Variants in PDE7B observed in about 807,000 individuals in gnomAD.
PDE7B encodes 3',5'-cyclic-AMP phosphodiesterase 7B.
A neutral mutation model predicts 56.2 loss-of-function variants in PDE7B; 29 were observed. That is an observed-to-expected ratio of 0.52 (90% CI 0.38 to 0.70). The LOEUF is 0.70. PDE7B is among the 30% of genes least tolerant of loss of function. The pLI is 0.00. For synonymous variants in PDE7B, 197 were observed against 196.9 expected (o/e 1.00, Z 0.00); for missense variants, 490 against 565.0 (o/e 0.87, Z 1.35).
chr6:136,064,077 CAT>C (rs1365811912), intron 2 of PDE7B, among the ~76,000 whole-genome samples: 19 of 152,046 alleles, frequency 1.2e-4, no homozygotes, highest in South Asian at 6.2e-4. Flanking sequence ...ATTTTATTAA[CAT>C]GTGATAAAAC....
intron 2 of PDE7B, among the ~76,000 whole-genome samples, chr6:136,016,008 A>G (rs1161726603): frequency 6.6e-6 from 1 of 152,208 alleles, no homozygotes; most frequent in East Asian, 1.9e-4. Context: ...TTAACTCTAT[A>G]AAAGAAAAAC....
At chr6:135,957,849 T>A (rs1774825677) in intron 2 of PDE7B, among the ~76,000 whole-genome samples, 1 of 152,252 alleles carries the variant, frequency 6.6e-6, no homozygotes, top group Non-Finnish European at 1.5e-5. Context: ...CCTCCCACTT[T>A]GTGAAGGAGA....
chr6:136,087,529 A>C (rs1777313123), intron 2 of PDE7B, among the ~76,000 whole-genome samples: 1 of 152,242 alleles, frequency 6.6e-6, no homozygotes, highest in East Asian at 1.9e-4. Context: ...AATTAAGTTA[A>C]TACCATAAAA....
chr6:136,168,403 G>C lies in PDE7B; in HGVS notation c.712-5394G>C, dbSNP rs114412142. Among the ~76,000 whole-genome samples the C allele has an allele frequency of 6.1e-3, 926 of 152,282 alleles. 8 individuals are homozygous for C. Among genetic ancestry groups the C allele is most frequent in the African/African-American group, 0.021 (890 of 41,550 alleles). ...GCAGGTGGATAGCATGATCATACCA[G>C]AGGCCAGCAAGCTCCTTGAGAGCAG... is the stretch of plus-strand genomic sequence containing the variant. On this transcript the variant is annotated intron_variant, in intron 8 of 12. Coordinates refer to ENST00000308191, the MANE Select transcript of PDE7B (RefSeq NM_018945.4).
chr6:136,183,066 C>A (rs1210955286), intron 11 of PDE7B, among the ~76,000 whole-genome samples: 4 of 131,532 alleles, frequency 3.0e-5, no homozygotes, highest in East Asian at 2.1e-4. Flanking sequence ...AGCAAGACTC[C>A]GTCTCCAAAA....
intron 1 of PDE7B, among the ~76,000 whole-genome samples, chr6:135,862,685 C>A (rs975293092): frequency 6.6e-6 from 1 of 151,524 alleles, no homozygotes. Flanking sequence ...AGTTTTAATT[C>A]CATTTATTTT....
At chr6:136,144,295 T>C (rs4896198) in intron 3 of PDE7B, among the ~76,000 whole-genome samples, 71,037 of 151,846 alleles carry the variant, frequency 0.47, 17,323 homozygotes, top group African/African-American at 0.62. Context: ...ACTCTTTCTC[T>C]ATATGCACCA....
At chr6:136,182,187 A>G (rs11154857) in intron 11 of PDE7B, among the ~76,000 whole-genome samples, 5,440 of 152,298 alleles carry the variant, frequency 0.036, 296 homozygotes, top group Admixed American at 0.13. Flanking sequence ...TGACATCGTG[A>G]TGGCCCCAAA....
chr6:135,887,751 G>T (rs1175124906), intron 1 of PDE7B, among the ~76,000 whole-genome samples: 1 of 152,076 alleles, frequency 6.6e-6, no homozygotes, highest in African/African-American at 2.4e-5. Flanking sequence ...TTACTTAGTT[G>T]GTCTAAATAA....
chr6:135,982,073 C>T (rs1002890603), intron 2 of PDE7B, among the ~76,000 whole-genome samples: 4 of 152,116 alleles, frequency 2.6e-5, no homozygotes, highest in Admixed American at 1.3e-4. Context: ...TTGACCCACA[C>T]GGTCTTACAC....
chr6:136,038,407 G>T (rs1446288317), intron 2 of PDE7B: 2 of 1,291,108 alleles, frequency 1.5e-6, no homozygotes, highest in East Asian at 5.5e-5. Context: ...AGGGGCCGCT[G>T]CCCTGGGACT....
chr6:135,865,682 CAG>C (rs1775244885), intron 1 of PDE7B, among the ~76,000 whole-genome samples: 1 of 143,058 alleles, frequency 7.0e-6, no homozygotes, highest in Non-Finnish European at 1.5e-5. Context: ...GAGACAGAGA[CAG>C]AGAAATTACT....
chr6:135,963,009 A>G (rs1774934068), intron 2 of PDE7B, among the ~76,000 whole-genome samples: 1 of 152,180 alleles, frequency 6.6e-6, no homozygotes, highest in African/African-American at 2.4e-5. Context: ...ACACACTAAG[A>G]GTCTGTTGCA....
intron 1 of PDE7B, among the ~76,000 whole-genome samples, chr6:135,928,631 G>A (rs1774243464): frequency 1.3e-5 from 2 of 149,048 alleles, no homozygotes; most frequent in Admixed American, 1.4e-4. Context: ...GCCATAAAAA[G>A]GGGCAAAATC....
At chr6:136,089,825 T>C (rs1051342080) in intron 2 of PDE7B, among the ~76,000 whole-genome samples, 1 of 152,234 alleles carries the variant, frequency 6.6e-6, no homozygotes, top group African/African-American at 2.4e-5. Flanking sequence ...ACTTACATTT[T>C]AAATATTCAC....
At chr6:136,020,223 A>T (rs1776048259) in intron 2 of PDE7B, among the ~76,000 whole-genome samples, 3 of 152,024 alleles carry the variant, frequency 2.0e-5, no homozygotes, top group Admixed American at 1.3e-4. Flanking sequence ...GTTCAAATGG[A>T]TGTTTCTCGT....
chr6:136,026,526 C>T (rs964896023), intron 2 of PDE7B, among the ~76,000 whole-genome samples: 1 of 152,164 alleles, frequency 6.6e-6, no homozygotes, highest in African/African-American at 2.4e-5. Context: ...AAATGTTTAG[C>T]AGCCAGATAT....
rs200398038 is a variant in PDE7B, at chr6:136,048,089, T to C, written c.83-60642T>C. ...ATGGATGGGTGGATGGATAGATAGATAGACAGACAGACAGACAGACAGATA... is the reference window on the plus strand; with the variant it reads ...ATGGATGGGTGGATGGATAGATAGACAGACAGACAGACAGACAGACAGATA... On this transcript the variant is annotated intron_variant, in intron 2 of 12. Transcript: ENST00000308191. Among the ~76,000 whole-genome samples, 103 of 149,568 alleles carry C rather than the reference T, an allele frequency of 6.9e-4. 1 individual carries two copies. Among genetic ancestry groups the C allele is most frequent in the African/African-American group, 2.2e-3 (91 of 41,108 alleles).
chr6:136,173,865 TGC>T lies in PDE7B; in HGVS notation c.781_782del (p.Ala261SerfsTer11). ...GCATGCTTCGAGAATCAAGGCTTCT[TGC>T]TCATTTGCCAAAGGAAATGACGTAA... Reference protein sequence around the residue: ...IGMLRESRLLAHLPKEMTQDI... With the variant: ...IGMLRESRLLXHLPKEMTQDI... On this transcript the variant is annotated frameshift_variant, in exon 9 of 13. Transcript: ENST00000308191. LOFTEE classifies it high-confidence loss of function. 6.2e-7 allele frequency: 1 copy of T among 1,612,196 alleles called. No individual in the cohort carries two copies. Among genetic ancestry groups the T allele is most frequent in the Non-Finnish European group, 8.5e-7 (1 of 1,178,376 alleles).
Sources: gnomAD v4.1 joint callset for allele counts (sites outside exome capture counted in the v4.1 genomes callset) on GRCh38, gnomAD v4.1.1 for gene constraint, MANE v1.5 for transcripts, NCBI Gene and HGNC (gene_info 2026-07-23, HGNC 2026-07-21) for gene names.